The following DOK7 variants were observed in gnomAD, a reference collection of about 807,000 sequenced individuals.
DOK7 encodes docking protein 7, also known as protein Dok-7.
Under a neutral mutation model 30.7 loss-of-function variants are expected in DOK7, and 32 were observed. The ratio of observed to expected loss-of-function variants is 1.04; its 90% CI spans 0.79 to 1.40. DOK7 has a LOEUF of 1.40. Among genes scored for constraint, DOK7 ranks in the 40% most tolerant of loss-of-function variants. The pLI, the probability that DOK7 is intolerant of heterozygous loss-of-function variation, is 0.00. For synonymous variants in DOK7, 447 were observed against 324.1 expected, an observed-to-expected ratio of 1.38 and a Z score of -4.07; for missense variants, 1,007 against 699.2, an observed-to-expected ratio of 1.44 and a Z score of -4.97.
At chr4:3,492,414 G>A (rs1577180736) in intron 6 of DOK7, among the ~76,000 whole-genome samples, 1 of 152,034 alleles carries the variant, frequency 6.6e-6, no homozygotes. Flanking sequence ...AGTCGGGATG[G>A]CTGGGTATGG....
In DOK7 at chr4:3,463,569, G is replaced by A. The variant is rs1361843879; in HGVS notation, c.100+18G>A. 1.3e-6 allele frequency: 2 copies of A among 1,514,350 alleles called. No homozygotes were observed. The highest frequency in any genetic ancestry group is 1.8e-6 in the Non-Finnish European group (2 of 1,132,700). The allele number at this position is 1,514,350 out of a possible 1,614,324, so 93.8% of individuals were successfully genotyped here. ...CGTGGCAGGTGAGCGGGGCGGGCGGGGGACGGGGGGCGCGGGGGTAGCGAC... is the reference window on the plus strand; with the variant it reads ...CGTGGCAGGTGAGCGGGGCGGGCGGAGGACGGGGGGCGCGGGGGTAGCGAC... On this transcript the variant is annotated intron_variant, in intron 2 of 6. Coordinates refer to ENST00000340083, the MANE Select transcript of DOK7 (RefSeq NM_173660.5).
chr4:3,496,481 A>G (rs1357613927), downstream of DOK7, among the ~76,000 whole-genome samples: 2 of 152,240 alleles, frequency 1.3e-5, no homozygotes, highest in Non-Finnish European at 2.9e-5. Context: ...TCCTCCGATA[A>G]AGCTCTAATA....
In DOK7 at chr4:3,493,703, G is replaced by T. The variant is rs1728707975; in HGVS notation, c.*202G>T. The T allele has an allele frequency of 7.0e-7, 1 of 1,436,036 alleles. No individual in the cohort carries two copies. The highest frequency in any genetic ancestry group is 9.1e-7 in the Non-Finnish European group (1 of 1,097,520). 89.0% of individuals were successfully genotyped at this position (1,436,036 alleles called of 1,614,324 possible). A position where few individuals can be genotyped will look rare whatever the true frequency, so the allele number is the denominator to read the frequency against. ...GACTTGGGGAGGTGAGTTCTGGAAG[G>T]CAGGGGCTCTGGGTCCGGCAGGTCG... On this transcript the variant is annotated 3_prime_UTR_variant, in exon 7 of 7. Coordinates refer to ENST00000340083, the MANE Select transcript of DOK7 (RefSeq NM_173660.5).
At chr4:3,490,110 C>CCATTCATTCCTTTCTTCACCCCTT (rs1553848858) in intron 6 of DOK7, among the ~76,000 whole-genome samples, 1 of 52,736 alleles carries the variant, frequency 1.9e-5, no homozygotes, top group African/African-American at 9.0e-5. Flanking sequence ...TTCTTCACCC[C>CCATTCATTCCTTTCTTCACCCCTT]CATTCATTCC....
Position 3,476,572 on chromosome 4 carries a change from A to G in DOK7, c.532+30A>G, listed in dbSNP as rs1441545794. 5.0e-6 allele frequency: 8 copies of G among 1,612,262 alleles called. No homozygotes were observed. The Admixed American group carries it at 1.3e-4, about 27-fold the overall frequency. On this transcript the variant is annotated intron_variant, in intron 4 of 6. Transcript: ENST00000340083. Reference sequence around the variant, plus strand: ...GTACGGATGTGTGGGGTCACTGGGCAGCAGCAGCACCCCCCACTTCCCCTG... The same window carrying G: ...GTACGGATGTGTGGGGTCACTGGGCGGCAGCAGCACCCCCCACTTCCCCTG...
At position 3,493,394 on chromosome 4, in the gene DOK7, G is replaced by A; in HGVS notation, c.1408G>A (p.Ala470Thr). 6.3e-7 allele frequency: 1 copy of A among 1,595,024 alleles called. No individual in the cohort carries two copies. The highest frequency in any genetic ancestry group is 8.5e-7 in the Non-Finnish European group (1 of 1,171,260). Residue 470 changes from alanine to threonine, a missense_variant, in exon 7 of 7, where the codon GCC becomes ACC. Ala to Thr is a moderately conservative substitution (Grantham distance 58). Coordinates refer to ENST00000340083, the MANE Select transcript of DOK7 (RefSeq NM_173660.5). The stretch of plus-strand genomic sequence containing the variant: ...CAGCGAGGCCACACTGCCTGGCCCT[G>A]CCCCTGGCGAGCCCTGGGAAGCAGG... ...QGSEATLPGP[A>T]PGEPWEAGGP... is the part of the protein sequence containing the mutation.
rs75724886 is a variant in DOK7 at position 3,468,046 on chromosome 4, G to T, written c.100+4495G>T. Among the ~76,000 whole-genome samples the T allele has an allele frequency of 5.5e-3, 845 of 152,354 alleles. 41 individuals are homozygous for T. In the East Asian group the frequency reaches 0.14, roughly 25 times the overall value. On this transcript the variant is annotated intron_variant, in intron 2 of 6. Transcript: ENST00000340083. ...AATTTCAGATTCAGACCCCAGCACT[G>T]AGTGCATGAGTGCACGCTTCTGTGT...
Position 3,476,299 on chromosome 4 carries a change from ACCCTGCCCGCCCGTGATGC to A in DOK7, c.332-40_332-22del, listed in dbSNP as rs748556517. ...CCCCACCCGCCCGTGATGTCCTCTC[ACCCTGCCCGCCCGTGATGC>A]CCTCTTGCCCCGCCTGCCCGCAGTG... On this transcript the variant is annotated intron_variant, in intron 3 of 6. Transcript: ENST00000340083. The A allele has an allele frequency of 1.3e-4, 137 of 1,078,526 alleles. 5 individuals carry two copies. Among genetic ancestry groups the A allele is most frequent in the South Asian group, 5.3e-4 (27 of 51,186 alleles). The allele number at this position is 1,078,526 out of a possible 1,614,324, so 66.8% of individuals were successfully genotyped here.
chr4:3,493,164 T>A lies in DOK7; in HGVS notation c.1178T>A (p.Val393Asp), dbSNP rs752627566. The A allele has an allele frequency of 4.4e-6, 7 of 1,607,292 alleles. No individual in the cohort carries two copies. The East Asian group carries it at 1.1e-4, about 26-fold the overall frequency. ...PSLCTCLPGTVEYQVPTSLRA... is the reference protein window; with the variant it reads ...PSLCTCLPGTDEYQVPTSLRA... ...CTGTGCACCTGCCTGCCCGGGACAG[T>A]CGAGTACCAGGTGCCCACCTCCCTG... is the stretch of plus-strand genomic sequence containing the variant. The change falls in exon 7 of 7, where the codon GTC (valine) becomes GAC (aspartate). Residue 393 changes from valine to aspartate, a missense_variant. Coordinates refer to ENST00000340083, the MANE Select transcript of DOK7 (RefSeq NM_173660.5).
chr4:3,498,377 G>A (rs113612523), downstream of DOK7, among the ~76,000 whole-genome samples: 9 of 152,160 alleles, frequency 5.9e-5, no homozygotes, highest in African/African-American at 1.4e-4. Context: ...GGGAACATTC[G>A]TCCCCTTTCC....
In DOK7 at chr4:3,493,406, C is replaced by A; in HGVS notation, c.1420C>A (p.Pro474Thr). 8 of 1,597,166 alleles carry A rather than the reference C, an allele frequency of 5.0e-6. No homozygotes were observed. The highest frequency in any genetic ancestry group is 6.0e-6 in the Non-Finnish European group (7 of 1,172,274). Reference protein sequence around the residue: ...ATLPGPAPGEPWEAGGPHAGP... With the variant: ...ATLPGPAPGETWEAGGPHAGP... ...ACTGCCTGGCCCTGCCCCTGGCGAG[C>A]CCTGGGAAGCAGGCGGCCCCCACGC... The change falls in exon 7 of 7, where the codon CCC (proline) becomes ACC (threonine). Residue 474 changes from proline to threonine, a missense_variant. By Grantham distance (38) the Pro-to-Thr change is conservative. Transcript: ENST00000340083.
downstream of DOK7, among the ~76,000 whole-genome samples, chr4:3,494,973 CCT>C (rs1728825446): frequency 1.3e-5 from 2 of 152,232 alleles, no homozygotes; most frequent in African/African-American, 4.8e-5. Flanking sequence ...TGCCTGCCAC[CCT>C]GTCAGGGACT....
intron 6 of DOK7, among the ~76,000 whole-genome samples, chr4:3,490,935 C>CCACT (rs1366628195): frequency 7.3e-6 from 1 of 137,870 alleles, no homozygotes; most frequent in Non-Finnish European, 1.5e-5. Flanking sequence ...TTCCTTCTTC[C>CCACT]CCTGCTCATT....
intron 4 of DOK7, chr4:3,484,455 G>C (rs1160826098): frequency 1.0e-6 from 1 of 980,026 alleles, no homozygotes; most frequent in Non-Finnish European, 1.2e-6. Context: ...CTTTCTTTGG[G>C]CAATGGGCAG....
intron 2 of DOK7, among the ~76,000 whole-genome samples, chr4:3,468,679 CCT>C (rs1284510126): frequency 1.6e-5 from 2 of 128,790 alleles, no homozygotes; most frequent in Admixed American, 7.7e-5. Context: ...TGTGTGCATG[CCT>C]GTGTGTGCAT....
rs1260785223 is a variant in DOK7 at position 3,463,439 on chromosome 4, C to T, written c.54+10C>T. ...GCGGGACGGCAAGAAGGTCGGGGCG[C>T]GTCGGGGGCGCGGGGGGGGGGGGCG... On this transcript the variant is annotated intron_variant, in intron 1 of 6. Transcript: ENST00000340083. 1.0e-5 allele frequency: 7 copies of T among 682,278 alleles called. No homozygotes were observed. Among genetic ancestry groups the T allele is most frequent in the Admixed American group, 5.3e-5 (1 of 18,882 alleles). 42.3% of individuals were successfully genotyped at this position (682,278 alleles called of 1,614,324 possible).
chr4:3,483,028 G>T (rs1031179917), intron 4 of DOK7, among the ~76,000 whole-genome samples: 1 of 151,402 alleles, frequency 6.6e-6, no homozygotes, highest in African/African-American at 2.4e-5. Flanking sequence ...TGTGGCCTGA[G>T]TCTGGAAAGG....
rs1036344861 is a variant in DOK7 at position 3,464,219 on chromosome 4, G to C, written c.100+668G>C. Among the ~76,000 whole-genome samples, 3 of 152,312 alleles carry C rather than the reference G, an allele frequency of 2.0e-5. No individual in the cohort carries two copies. In the East Asian group the frequency reaches 5.8e-4, roughly 29 times the overall value. ...AGGTGCGGCAGAGCCGGCCAGGCCC[G>C]GGTCTGGGTGGGATGCTCGGCCTGT... On this transcript the variant is annotated intron_variant, in intron 2 of 6. Transcript: ENST00000340083.
intron 2 of DOK7, among the ~76,000 whole-genome samples, chr4:3,469,071 T>TGC (rs1171664464): frequency 6.7e-6 from 1 of 150,104 alleles, no homozygotes; most frequent in Non-Finnish European, 1.5e-5. Flanking sequence ...TTAGTGTGTG[T>TGC]GCCTGAGTGT....
Sources: allele counts gnomAD v4.1 joint callset (sites outside exome capture counted in the v4.1 genomes callset), GRCh38; gene constraint gnomAD v4.1.1; transcripts MANE v1.5; gene names NCBI Gene and HGNC (gene_info 2026-07-23, HGNC 2026-07-21).